The following PADI2 variants were observed in gnomAD, a reference collection of about 807,000 sequenced individuals.
PADI2 encodes the protein protein-arginine deiminase type-2.
A neutral mutation model predicts 81.1 loss-of-function variants in PADI2; 70 were observed. That is an observed-to-expected ratio of 0.86 (90% confidence interval 0.71 to 1.05). PADI2 has a LOEUF of 1.05. Ranked by LOEUF, PADI2 falls within the 50% of genes least tolerant of loss-of-function variation. The pLI, the probability that PADI2 is intolerant of heterozygous loss-of-function variation, is 0.00. For missense variants in PADI2, 853 were observed against 889.9 expected (o/e 0.96, Z 0.53); for synonymous variants, 338 against 358.0 (o/e 0.94, Z 0.63).
chr1:17,111,580 C>T (rs1287908083), intron 1 of PADI2, among the ~76,000 whole-genome samples: 1 of 146,786 alleles, frequency 6.8e-6, no homozygotes, highest in African/African-American at 2.6e-5. Context: ...CATTGCAGTG[C>T]TGACTGTAAA....
At position 17,082,623 on chromosome 1, in the gene PADI2, G is replaced by A; in HGVS notation, c.1080C>T (p.Ala360=). ...GCACCACGGGGAAGCCTTTATGGGG[G>A]GCCTCGATGTAGCCAAACTCAATTT... ...QDEIEFGYIE[A]PHKGFPVVLD... Residue 360 remains alanine, a synonymous_variant, in exon 10 of 16, where the codon GCC becomes GCT. Transcript: ENST00000375486. 1.2e-6 allele frequency: 2 copies of A among 1,609,402 alleles called. No individual in the cohort carries two copies. Among genetic ancestry groups the A allele is most frequent in the Non-Finnish European group, 1.7e-6 (2 of 1,178,128 alleles).
chr1:17,119,426 A>C lies in PADI2; in HGVS notation c.-55T>G. The stretch of plus-strand genomic sequence containing the variant: ...GTCCGGGGCGGCCGGGAGCACCTGC[A>C]GCAGGTGCGCCTTCTCCAGCAGCCT... On this transcript the variant is annotated 5_prime_UTR_variant, in exon 1 of 16. Transcript: ENST00000375486. The surrounding 1 kb of genome is among the most constrained non-coding windows in gnomAD (Gnocchi z 4.8). 1 of 1,338,996 alleles carries C rather than the reference A, an allele frequency of 7.5e-7. No individual in the cohort carries two copies. The highest frequency in any genetic ancestry group is 1.0e-6 in the Non-Finnish European group (1 of 981,200). 82.9% of individuals were successfully genotyped at this position (1,338,996 alleles called of 1,614,324 possible). A position where few individuals can be genotyped will look rare whatever the true frequency, so the allele number is the denominator to read the frequency against.
intron 11 of PADI2, among the ~76,000 whole-genome samples, chr1:17,076,828 C>T (rs564600848): frequency 2.6e-5 from 4 of 152,018 alleles, no homozygotes; most frequent in Admixed American, 1.3e-4. Flanking sequence ...CTGCCCACCT[C>T]AGCTTTCCAA....
intron 4 of PADI2, among the ~76,000 whole-genome samples, chr1:17,093,950 GGGTGGAGGCAGGGA>G (rs1253512617): frequency 6.6e-6 from 1 of 152,136 alleles, no homozygotes; most frequent in Non-Finnish European, 1.5e-5. Flanking sequence ...TGTCTGGTGT[GGGTGGAGGCAGGGA>G]GGTGGAGGCT....
At chr1:17,096,116 AC>A (rs1930918031) in intron 3 of PADI2, 146 bp from the exon 4 acceptor site, 1 of 508,866 alleles carries the variant, frequency 2.0e-6, no homozygotes, top group Non-Finnish European at 3.5e-6. Flanking sequence ...ATCTTATGCA[AC>A]CCCCTGCCTC....
intron 10 of PADI2, among the ~76,000 whole-genome samples, chr1:17,081,097 T>C (rs781174440): frequency 1.5e-4 from 23 of 152,218 alleles, no homozygotes; most frequent in Admixed American, 1.2e-3. Context: ...CCTGGAATAC[T>C]GAAGGCAGGT....
intron 5 of PADI2, among the ~76,000 whole-genome samples, chr1:17,092,738 CAG>C (rs924649075): frequency 2.3e-4 from 35 of 151,638 alleles, no homozygotes; most frequent in African/African-American, 8.0e-4. Flanking sequence ...CACTTAAGGC[CAG>C]GAGACAAACA....
At chr1:17,079,886 T>C (rs185369794) in intron 10 of PADI2, among the ~76,000 whole-genome samples, 73 of 151,824 alleles carry the variant, frequency 4.8e-4, no homozygotes, top group African/African-American at 1.4e-3. Context: ...CCTGTGCCTC[T>C]TGGTTCAAGT....
intron 10 of PADI2, 52 bp from the exon 11 acceptor site, chr1:17,079,467 C>A (rs779704568): frequency 6.7e-7 from 1 of 1,492,788 alleles, no homozygotes; most frequent in Non-Finnish European, 9.2e-7. Flanking sequence ...GGGTCCTCAG[C>A]CCCCAAGCCA....
At chr1:17,074,235 A>G (rs1251665502) in intron 13 of PADI2, among the ~76,000 whole-genome samples, 1 of 151,718 alleles carries the variant, frequency 6.6e-6, no homozygotes, top group Admixed American at 6.6e-5. Context: ...CTACTAAATA[A>G]AAAAAAATTA....
At chr1:17,109,282 G>C (rs929093245) in intron 1 of PADI2, among the ~76,000 whole-genome samples, 2 of 150,724 alleles carry the variant, frequency 1.3e-5, no homozygotes, top group Non-Finnish European at 1.5e-5. Context: ...CAGCTACTCG[G>C]GAGGCTGAGG....
intron 15 of PADI2, among the ~76,000 whole-genome samples, chr1:17,069,677 G>A (rs1052179321): frequency 1.3e-5 from 2 of 152,130 alleles, no homozygotes; most frequent in Non-Finnish European, 2.9e-5. Flanking sequence ...GCATGTGTGT[G>A]TATATATGTG....
intron 3 of PADI2, among the ~76,000 whole-genome samples, chr1:17,102,269 AG>A (rs939343808): frequency 1.4e-4 from 21 of 152,210 alleles, no homozygotes; most frequent in African/African-American, 4.8e-4. Flanking sequence ...CCTCAGTTTC[AG>A]GGGGTGGAGT....
rs768004529 is a variant in PADI2 at position 17,069,150 on chromosome 1, A to C, written c.1892T>G (p.Phe631Cys). ...LLEPLGLECT[F>C]IDDISAYHKF... ...GTGGTAGGCAGAAATGTCGTCGATG[A>C]AGGTGCATTCGAGGCCCAGGGGCTC... is the stretch of plus-strand genomic sequence containing the variant. The change falls in exon 16 of 16, where the codon TTC (phenylalanine) becomes TGC (cysteine). Residue 631 changes from phenylalanine to cysteine, a missense_variant. Physicochemically the swap from Phe to Cys is radical, Grantham distance 205 (BLOSUM62 -2). Coordinates refer to ENST00000375486, the MANE Select transcript of PADI2 (RefSeq NM_007365.3). The C allele has an allele frequency of 1.9e-6, 3 of 1,614,228 alleles. No individual in the cohort carries two copies. Among genetic ancestry groups the C allele is most frequent in the Non-Finnish European group, 2.5e-6 (3 of 1,180,028 alleles).
At chr1:17,109,050 A>G (rs910197708) in intron 1 of PADI2, among the ~76,000 whole-genome samples, 3 of 152,034 alleles carry the variant, frequency 2.0e-5, no homozygotes, top group African/African-American at 7.2e-5. Context: ...GAGAGTGCAG[A>G]GGAGAGGCCC....
chr1:17,081,286 C>A (rs1388290995), intron 10 of PADI2, among the ~76,000 whole-genome samples: 1 of 152,172 alleles, frequency 6.6e-6, no homozygotes, highest in Non-Finnish European at 1.5e-5. Context: ...GGCACTGATG[C>A]CTTATACAAC....
At chr1:17,082,315 A>C (rs2078350136) in intron 10 of PADI2, among the ~76,000 whole-genome samples, 1 of 152,182 alleles carries the variant, frequency 6.6e-6, no homozygotes, top group East Asian at 1.9e-4. Flanking sequence ...TATTTCCCTT[A>C]GTTCCCATTT....
At chr1:17,077,406 T>C (rs2647198) in intron 11 of PADI2, among the ~76,000 whole-genome samples, 96,089 of 151,824 alleles carry the variant, frequency 0.63, 30,648 homozygotes, top group Middle Eastern at 0.7. Context: ...CACAGAGTAG[T>C]TTCTCAATAA....
At chr1:17,107,424 G>A (rs985890195) in intron 1 of PADI2, among the ~76,000 whole-genome samples, 1 of 152,210 alleles carries the variant, frequency 6.6e-6, no homozygotes, top group Non-Finnish European at 1.5e-5. Flanking sequence ...GTAGGCCAGC[G>A]GCTGTCAAAG....
Sources: gnomAD v4.1 joint callset for allele counts (sites outside exome capture counted in the v4.1 genomes callset) on GRCh38, gnomAD v4.1.1 for gene constraint, Gnocchi (gnomAD v3.1) non-coding constraint, MANE v1.5 for transcripts, NCBI Gene and HGNC (gene_info 2026-07-23, HGNC 2026-07-21) for gene names.